Variants in RNF128 observed in about 807,000 individuals in gnomAD.
RNF128 encodes ring finger protein 128.
Under a neutral mutation model 26.2 loss-of-function variants are expected in RNF128, and 13 were observed. The observed-to-expected ratio is 0.50, with a 90% CI of 0.32 to 0.79. The LOEUF (loss-of-function observed/expected upper bound fraction) is 0.79, where lower values mean the gene tolerates loss of function less well. Among genes scored for constraint, RNF128 ranks in the 30% least tolerant of loss-of-function variants. RNF128 has a pLI of 0.03. For missense variants in RNF128, 315 were observed against 349.7 expected (o/e 0.90, Z 0.79); for synonymous variants, 149 against 142.5 (o/e 1.05, Z -0.32).
intron 2 of RNF128, among the ~76,000 whole-genome samples, chrX:106,781,019 G>A (rs1386224013): frequency 8.9e-6 from 1 of 112,403 alleles, no homozygotes; most frequent in Non-Finnish European, 1.9e-5. Context: ...ACTTAATGGA[G>A]TAGAGACTTT....
Position 106,779,748 on chromosome X carries a change from C to T in RNF128, c.733-5317C>T, listed in dbSNP as rs775140304. 6.3e-5 allele frequency among the ~76,000 whole-genome samples: 7 copies of T among 110,971 alleles called. No individual in the cohort carries two copies. The East Asian group carries it at 2.0e-3, about 31-fold the overall frequency. On this transcript the variant is annotated intron_variant, in intron 2 of 6. Transcript: ENST00000255499. Reference sequence around the variant, plus strand: ...GAGTGGTCTGCACTCTTGTTTATCCCCTCATCTGTAGTTCCATAGATTTAT... The same window carrying T: ...GAGTGGTCTGCACTCTTGTTTATCCTCTCATCTGTAGTTCCATAGATTTAT...
intron 4 of RNF128, among the ~76,000 whole-genome samples, chrX:106,788,500 A>T (rs1232523089): frequency 3.6e-5 from 2 of 55,965 alleles, no homozygotes; most frequent in Non-Finnish European, 5.9e-5. Context: ...AATTATAATT[A>T]TATAATTATA....
chrX:106,785,333 A>G (rs1003594642), intron 3 of RNF128, among the ~76,000 whole-genome samples, 197 bp downstream of exon 3: 2 of 112,047 alleles, frequency 1.8e-5, no homozygotes, highest in African/African-American at 6.5e-5. Flanking sequence ...GAACCTGTGC[A>G]TATTACCTTA....
chrX:106,784,921 T>C (rs1930628317), intron 2 of RNF128, 144 bp from the exon 3 acceptor site: 2 of 438,889 alleles, frequency 4.6e-6, no homozygotes, highest in Non-Finnish European at 7.6e-6. Flanking sequence ...GGGACATTTA[T>C]TATGGCTAAT....
chrX:106,788,870 T>TAATGTATAATATATTATATATTATAC (rs1362181203), intron 4 of RNF128, among the ~76,000 whole-genome samples: 2 of 73,714 alleles, frequency 2.7e-5, no homozygotes, highest in Non-Finnish European at 4.7e-5. Flanking sequence ...ATATATTATA[T>TAATGTATAATATATTATATATTATAC]AATGTATAAT....
In RNF128 at chrX:106,762,301, C is replaced by A. The variant is rs1168840878; in HGVS notation, c.485-10612C>A. Reference sequence around the variant, plus strand: ...TCCCCAGCCCCTGGTAATCACTATTCCATTCTCCACTTTTGATTTTTTTTT... The same window carrying A: ...TCCCCAGCCCCTGGTAATCACTATTACATTCTCCACTTTTGATTTTTTTTT... On this transcript the variant is annotated intron_variant, in intron 1 of 6. Transcript: ENST00000255499. 3.7e-5 allele frequency among the ~76,000 whole-genome samples: 4 copies of A among 108,678 alleles called. No homozygotes were observed. The East Asian group carries it at 1.1e-3, about 31-fold the overall frequency. The allele number at this position is 108,678 out of a possible 115,157, so 94.4% of individuals were successfully genotyped here.
At chrX:106,758,221 C>G (rs1403937427) in intron 1 of RNF128, among the ~76,000 whole-genome samples, 1 of 111,072 alleles carries the variant, frequency 9.0e-6, no homozygotes, top group East Asian at 2.8e-4. Context: ...GGAAACCTAA[C>G]CAAAGAAGAG....
intron 1 of RNF128, among the ~76,000 whole-genome samples, chrX:106,738,947 G>A (rs1929647302): frequency 9.0e-6 from 1 of 111,560 alleles, no homozygotes; most frequent in East Asian, 2.8e-4. Flanking sequence ...GCTTCTTAGA[G>A]CCTCTAATAT....
At chrX:106,756,613 A>G (rs1157287840) in intron 1 of RNF128, among the ~76,000 whole-genome samples, 1 of 109,755 alleles carries the variant, frequency 9.1e-6, no homozygotes, top group Non-Finnish European at 1.9e-5. Flanking sequence ...TTTAAACGTT[A>G]GACCTAAAAC....
At chrX:106,738,766 A>G (rs2147674254) in intron 1 of RNF128, among the ~76,000 whole-genome samples, 1 of 111,771 alleles carries the variant, frequency 8.9e-6, no homozygotes, top group Non-Finnish European at 1.9e-5. Context: ...CTTCTCCCAT[A>G]GAATGGGTAA....
At chrX:106,772,643 T>C (rs186953532) in intron 1 of RNF128, among the ~76,000 whole-genome samples, 14 of 111,554 alleles carry the variant, frequency 1.3e-4, no homozygotes, top group Admixed American at 6.7e-4. Flanking sequence ...TGTTGAATTA[T>C]AGATAGTTAA....
Position 106,773,057 on chromosome X carries a change from T to C in RNF128, c.629T>C (p.Phe210Ser). 2.5e-6 allele frequency: 3 copies of C among 1,211,234 alleles called. No individual in the cohort carries two copies. Among genetic ancestry groups the C allele is most frequent in the South Asian group, 1.8e-5 (1 of 56,971 alleles). ...GPWVNHYSIFFVSVSFFIITA... is the reference protein window; with the variant it reads ...GPWVNHYSIFSVSVSFFIITA... Reference sequence around the variant, plus strand: ...TGGGTGAATCACTATTCAATTTTTTTCGTTTCTGTGTCCTTTTTTATTATT... The same window carrying C: ...TGGGTGAATCACTATTCAATTTTTTCCGTTTCTGTGTCCTTTTTTATTATT... Residue 210 changes from phenylalanine (F) to serine (S), a missense_variant, in exon 2 of 7, where the codon TTC becomes TCC. Physicochemically the swap from Phe to Ser is radical, Grantham distance 155. Coordinates refer to ENST00000255499, the MANE Select transcript of RNF128 (RefSeq NM_194463.2).
At chrX:106,757,734 T>TA (rs1329036889) in intron 1 of RNF128, among the ~76,000 whole-genome samples, 53 of 108,988 alleles carry the variant, frequency 4.9e-4, no homozygotes, top group African/African-American at 1.8e-3. Context: ...TAAAGTATAA[T>TA]AAAAAAATAA....
At chrX:106,755,817 A>T (rs1436665083) in intron 1 of RNF128, among the ~76,000 whole-genome samples, 1 of 110,813 alleles carries the variant, frequency 9.0e-6, no homozygotes, top group African/African-American at 3.3e-5. Context: ...AGATGACATG[A>T]TTGTATATCT....
chrX:106,716,393 A>G (rs1602365263), intron 1 of RNF128, among the ~76,000 whole-genome samples: 1 of 111,974 alleles, frequency 8.9e-6, no homozygotes, highest in African/African-American at 3.3e-5. Flanking sequence ...CAAAAACCAT[A>G]GGGAAAGAAA....
chrX:106,735,916 C>T (rs1326722800), intron 1 of RNF128, among the ~76,000 whole-genome samples: 1 of 110,591 alleles, frequency 9.0e-6, no homozygotes. Context: ...CCCCAACACA[C>T]ACACACATAA....
At chrX:106,750,211 A>G (rs1256461070) in intron 1 of RNF128, among the ~76,000 whole-genome samples, 1 of 112,233 alleles carries the variant, frequency 8.9e-6, no homozygotes, top group African/African-American at 3.2e-5. Context: ...ACTGGCACAC[A>G]CTACACATTA....
At chrX:106,724,074 G>A (rs182950415), upstream of RNF128, among the ~76,000 whole-genome samples, 13 of 111,016 alleles carry the variant, frequency 1.2e-4, no homozygotes, top group East Asian at 3.7e-3. Context: ...CATATCTAAA[G>A]TGAACTCATC....
At chrX:106,724,219 T>C (rs988971822), upstream of RNF128, among the ~76,000 whole-genome samples, 13 of 111,371 alleles carry the variant, frequency 1.2e-4, no homozygotes, top group Non-Finnish European at 2.3e-4. Flanking sequence ...AACCAAGTCC[T>C]GTTGATTCTA....
Sources: allele counts gnomAD v4.1 joint callset (sites outside exome capture counted in the v4.1 genomes callset), GRCh38; gene constraint gnomAD v4.1.1; transcripts MANE v1.5; gene names NCBI Gene and HGNC (gene_info 2026-07-23, HGNC 2026-07-21).